Variants in DOCK8 observed in about 807,000 individuals in gnomAD.
DOCK8 encodes dedicator of cytokinesis 8, also known as dedicator of cytokinesis protein 8.
A neutral mutation model predicts 245.6 loss-of-function variants in DOCK8; 141 were observed. The ratio of observed to expected loss-of-function variants is 0.57; its 90% CI spans 0.50 to 0.66. The LOEUF (loss-of-function observed/expected upper bound fraction) is 0.66, where lower values mean the gene tolerates loss of function less well. DOCK8 is among the 30% of genes least tolerant of loss of function. DOCK8 has a pLI of 0.00. For synonymous variants in DOCK8, 1,168 were observed against 970.2 expected (o/e 1.20, Z -3.79); for missense variants, 2,965 against 2,603.4 (o/e 1.14, Z -3.02).
At chr9:443,914 C>T (rs2057168793) in intron 43 of DOCK8, among the ~76,000 whole-genome samples, 1 of 152,192 alleles carries the variant, frequency 6.6e-6, no homozygotes, top group Non-Finnish European at 1.5e-5. Flanking sequence ...AGGTCTGTTG[C>T]TTCTGAACCC....
At chr9:374,991 G>C (rs966646080) in intron 18 of DOCK8, among the ~76,000 whole-genome samples, 1 of 152,136 alleles carries the variant, frequency 6.6e-6, no homozygotes, top group Non-Finnish European at 1.5e-5. Flanking sequence ...TCACTCTGCA[G>C]ATTGGTGACA....
chr9:310,888 C>A (rs1345876308), intron 5 of DOCK8, among the ~76,000 whole-genome samples: 1 of 152,164 alleles, frequency 6.6e-6, no homozygotes, highest in Non-Finnish European at 1.5e-5. Flanking sequence ...ATGTTCATCC[C>A]CGACTGTGGG....
In DOCK8 at chr9:222,198, G is replaced by A. The variant is rs553651643; in HGVS notation, c.53+7169G>A. On this transcript the variant is annotated intron_variant, in intron 1 of 47. Coordinates refer to ENST00000432829, the MANE Select transcript of DOCK8 (RefSeq NM_203447.4). ...GGGTCACTTGAGACCAGGAGTTTGA[G>A]GCTGCAGTGAGCTATGATTGCGCCA... Among the ~76,000 whole-genome samples, 233 of 151,966 alleles carry A rather than the reference G, an allele frequency of 1.5e-3. No homozygotes were observed. In the Middle Eastern group the frequency reaches 0.017, roughly 11 times the overall value.
chr9:400,995 C>T (rs10974145), intron 26 of DOCK8, among the ~76,000 whole-genome samples: 45,584 of 53,552 alleles, frequency 0.85, 19,456 homozygotes, highest in Admixed American at 0.89. Flanking sequence ...TCCTCCACCA[C>T]CACCACCATT....
intron 2 of DOCK8, chr9:273,249 C>G (rs1431556003): frequency 2.3e-6 from 1 of 440,926 alleles, no homozygotes; most frequent in Non-Finnish European, 3.0e-6. Flanking sequence ...CTACTTATGA[C>G]TTCAGTGGCT....
At chr9:368,445 G>C (rs1363890609) in intron 15 of DOCK8, 2 of 614,334 alleles carry the variant, frequency 3.3e-6, no homozygotes, top group African/African-American at 1.8e-5. Context: ...ACAAAGTAAA[G>C]AGATGGCTCA....
chr9:437,606 G>A (rs745914555), intron 39 of DOCK8, among the ~76,000 whole-genome samples: 2 of 152,200 alleles, frequency 1.3e-5, no homozygotes, highest in African/African-American at 2.4e-5. Context: ...AACAACAGAT[G>A]TCCAGTGTTG....
intron 28 of DOCK8, among the ~76,000 whole-genome samples, chr9:413,884 A>T (rs984606848): frequency 2.6e-5 from 4 of 152,226 alleles, no homozygotes; most frequent in African/African-American, 9.6e-5. Context: ...GCTCACGCCT[A>T]TAATCTCAGC....
At chr9:282,978 T>A (rs1586590690) in intron 2 of DOCK8, among the ~76,000 whole-genome samples, 1 of 152,360 alleles carries the variant, frequency 6.6e-6, no homozygotes, top group Non-Finnish European at 1.5e-5. Flanking sequence ...CAGCCAATCT[T>A]ATGAGAAGCT....
chr9:244,950 T>A (rs1202965946), intron 1 of DOCK8, among the ~76,000 whole-genome samples: 1 of 152,166 alleles, frequency 6.6e-6, no homozygotes, highest in African/African-American at 2.4e-5. Context: ...GAAGAGACTC[T>A]CCAGGGGCAG....
In DOCK8 at chr9:450,004, T is replaced by A. The variant is rs546023447; in HGVS notation, c.5961+77T>A. ...CATTATACGTCTGCACCCTTCTTCC[T>A]TGGGGTTGATGAGGACTTTGATCCA... On this transcript the variant is annotated intron_variant, in intron 45 of 47. Coordinates refer to ENST00000432829, the MANE Select transcript of DOCK8 (RefSeq NM_203447.4). 2.9e-5 allele frequency: 44 copies of A among 1,517,294 alleles called. No individual in the cohort carries two copies. In the South Asian group the frequency reaches 5.0e-4, roughly 17 times the overall value. 94.0% of individuals were successfully genotyped at this position (1,517,294 alleles called of 1,614,324 possible). A position where few individuals can be genotyped will look rare whatever the true frequency, so the allele number is the denominator to read the frequency against.
At chr9:401,042 ACTTCTT>A (rs2055063818) in intron 26 of DOCK8, among the ~76,000 whole-genome samples, 7 of 114,000 alleles carry the variant, frequency 6.1e-5, no homozygotes, top group Admixed American at 2.7e-4. Flanking sequence ...CTCCACCATC[ACTTCTT>A]CCACCATCAT....
chr9:450,915 A>T (rs1004778139), intron 45 of DOCK8, among the ~76,000 whole-genome samples: 2 of 151,628 alleles, frequency 1.3e-5, no homozygotes. Flanking sequence ...GATCAAGGCA[A>T]TCCTGATTTT....
At chr9:364,774 T>A (rs1338463671) in intron 14 of DOCK8, among the ~76,000 whole-genome samples, 1 of 152,214 alleles carries the variant, frequency 6.6e-6, no homozygotes, top group Non-Finnish European at 1.5e-5. Context: ...TATACTTTTA[T>A]GTACTTTTAT....
At chr9:405,184 T>C (rs2055356103) in intron 27 of DOCK8, 111 bp downstream of exon 27, 18 of 1,086,960 alleles carry the variant, frequency 1.7e-5, no homozygotes, top group Non-Finnish European at 2.1e-5. Context: ...TGACAAAAAA[T>C]CAAACAATTC....
At chr9:419,860 A>G (rs1262763559) in intron 30 of DOCK8, among the ~76,000 whole-genome samples, 3 of 152,240 alleles carry the variant, frequency 2.0e-5, no homozygotes, top group Admixed American at 6.5e-5. Flanking sequence ...AGAGAACTCC[A>G]CAAACATGGA....
rs142825034 is a variant in DOCK8 at position 345,806 on chromosome 9, G to T, written c.1679+5485G>T. On this transcript the variant is annotated intron_variant, in intron 14 of 47. Coordinates refer to ENST00000432829, the MANE Select transcript of DOCK8 (RefSeq NM_203447.4). Reference sequence around the variant, plus strand: ...CAAAAGTAATTGCGGTAATGTGTGTGTGCTGCCCCGTGTCTCTACCTTATT... The same window carrying T: ...CAAAAGTAATTGCGGTAATGTGTGTTTGCTGCCCCGTGTCTCTACCTTATT... Among the ~76,000 whole-genome samples the T allele has an allele frequency of 3.0e-3, 462 of 152,266 alleles. 1 individual carries two copies. The highest frequency in any genetic ancestry group is 0.011 in the African/African-American group (442 of 41,536).
intron 2 of DOCK8, chr9:272,892 C>G (rs945550755): frequency 3.0e-5 from 7 of 234,802 alleles, no homozygotes; most frequent in Non-Finnish European, 4.9e-5. Context: ...AGCTCCAGCC[C>G]TCCTGTACTC....
At chr9:329,786 AC>A (rs2130839614) in intron 9 of DOCK8, among the ~76,000 whole-genome samples, 1 of 152,340 alleles carries the variant, frequency 6.6e-6, no homozygotes, top group African/African-American at 2.4e-5. Context: ...CTGCCAAGTA[AC>A]AGTGGTTACC....
Sources: gnomAD v4.1 joint callset for allele counts (sites outside exome capture counted in the v4.1 genomes callset) on GRCh38, gnomAD v4.1.1 for gene constraint, MANE v1.5 for transcripts, NCBI Gene and HGNC (gene_info 2026-07-23, HGNC 2026-07-21) for gene names.